Variants in DAB2IP observed in about 807,000 individuals in gnomAD.
DAB2IP encodes the protein disabled homolog 2-interacting protein.
Under a neutral mutation model 107.2 loss-of-function variants are expected in DAB2IP, and 28 were observed. That is an observed-to-expected ratio of 0.26 (90% confidence interval 0.19 to 0.36). The LOEUF (loss-of-function observed/expected upper bound fraction) is 0.36. Ranked by LOEUF, DAB2IP falls within the 10% of genes least tolerant of loss-of-function variation. The pLI is 1.00. For synonymous variants in DAB2IP, 755 were observed against 706.4 expected (o/e 1.07, Z -1.09); for missense variants, 1,400 against 1,644.7 (o/e 0.85, Z 2.57).
intron 1 of DAB2IP, among the ~76,000 whole-genome samples, chr9:121,603,224 G>T (rs145040511): frequency 2.6e-5 from 4 of 152,204 alleles, no homozygotes; most frequent in Non-Finnish European, 5.9e-5. Context: ...TTGGAAGACC[G>T]CTCTGTGGGC....
At chr9:121,747,515 T>G (rs969434934) in intron 3 of DAB2IP, among the ~76,000 whole-genome samples, 2 of 152,022 alleles carry the variant, frequency 1.3e-5, no homozygotes, top group African/African-American at 4.8e-5. Context: ...GCCCAGCTAA[T>G]TTTTTGTATT....
chr9:121,746,814 TCGCATCC>T (rs1156866045), intron 3 of DAB2IP, among the ~76,000 whole-genome samples: 1 of 152,230 alleles, frequency 6.6e-6, no homozygotes, highest in African/African-American at 2.4e-5. Flanking sequence ...CACTTGGGTC[TCGCATCC>T]CCAGGGCCCT....
chr9:121,739,524 C>A (rs1376435428), intron 3 of DAB2IP, among the ~76,000 whole-genome samples: 1 of 152,166 alleles, frequency 6.6e-6, no homozygotes, highest in East Asian at 1.9e-4. Context: ...GGGAGGCTGC[C>A]CGGACAGCAG....
intron 1 of DAB2IP, among the ~76,000 whole-genome samples, chr9:121,570,237 C>T (rs915807356): frequency 6.6e-5 from 10 of 151,184 alleles, no homozygotes; most frequent in African/African-American, 1.7e-4. Context: ...CTCAGCCTCC[C>T]GAGTAGCTGG....
At chr9:121,664,446 G>A (rs1370490423) in intron 1 of DAB2IP, among the ~76,000 whole-genome samples, 1 of 152,134 alleles carries the variant, frequency 6.6e-6, no homozygotes, top group African/African-American at 2.4e-5. Context: ...TTTGGATTTT[G>A]ATTGGGATTA....
Position 121,578,657 on chromosome 9 carries a change from G to A in DAB2IP, c.40+11429G>A, listed in dbSNP as rs191147941. 2.6e-3 allele frequency among the ~76,000 whole-genome samples: 378 copies of A among 143,070 alleles called. 2 individuals carry two copies. Among genetic ancestry groups the A allele is most frequent in the African/African-American group, 7.3e-3 (287 of 39,164 alleles). The allele number at this position is 143,070 out of a possible 152,430, so 93.9% of individuals were successfully genotyped here. A position where few individuals can be genotyped will look rare whatever the true frequency, so the allele number is the denominator to read the frequency against. On this transcript the variant is annotated intron_variant, in intron 1 of 16. Coordinates refer to the DAB2IP transcript ENST00000259371. ...GACCTCCCTTGCTGGCCCTTTCTCCGGCCCTGCAACGGGCCCAAGTCTCTC... is the reference window on the plus strand; with the variant it reads ...GACCTCCCTTGCTGGCCCTTTCTCCAGCCCTGCAACGGGCCCAAGTCTCTC...
chr9:121,783,338 C>T, exon 16 of DAB2IP: 2 of 1,445,988 alleles, frequency 1.4e-6, no homozygotes, highest in East Asian at 2.5e-5. Context: ...GCGGATCTGG[C>T]CAGATGGCTC....
chr9:121,717,310 A>G (rs1435715100), intron 3 of DAB2IP, among the ~76,000 whole-genome samples: 1 of 152,196 alleles, frequency 6.6e-6, no homozygotes, highest in Non-Finnish European at 1.5e-5. Context: ...TACAGACAGG[A>G]TGGCGGTGCC....
At chr9:121,689,986 C>A (rs992549444) in intron 2 of DAB2IP, among the ~76,000 whole-genome samples, 2 of 152,230 alleles carry the variant, frequency 1.3e-5, no homozygotes, top group African/African-American at 4.8e-5. Flanking sequence ...CGCTTCCTGA[C>A]CGTGCGGTGC....
Position 121,651,868 on chromosome 9 carries a change from C to T in DAB2IP, c.93C>T (p.Ser31=). 6.9e-7 allele frequency: 1 copy of T among 1,447,382 alleles called. No homozygotes were observed. Among genetic ancestry groups the T allele is most frequent in the African/African-American group, 1.4e-5 (1 of 69,098 alleles). The allele number at this position is 1,447,382 out of a possible 1,614,324, so 89.7% of individuals were successfully genotyped here. The change falls in exon 1 of 16, where the codon AGC becomes AGT. Residue 31 remains serine, a synonymous_variant. Coordinates refer to ENST00000408936, the Ensembl canonical transcript of DAB2IP. The surrounding 1 kb of genome is among the most constrained non-coding windows in gnomAD (Gnocchi z 5.1). ...GGCCCCGGCTGCAGCGACAGAGGAG[C>T]CGCTCCCGCAGCCGGACCCGGCCTG...
At chr9:121,783,683 G>A (rs888445366) in exon 16 of DAB2IP, 65 of 1,182,464 alleles carry the variant, frequency 5.5e-5, no homozygotes, top group South Asian at 3.7e-4. Flanking sequence ...CACCTGCCCC[G>A]TGTGTGTGGC....
At chr9:121,779,077 A>AT (rs991336921) in intron 14 of DAB2IP, among the ~76,000 whole-genome samples, 3 of 150,280 alleles carry the variant, frequency 2.0e-5, no homozygotes, top group Admixed American at 6.6e-5. Flanking sequence ...TTCTTTCTTC[A>AT]TTTTTTTTCT....
chr9:121,783,150 C>A, exon 16 of DAB2IP: 5 of 869,462 alleles, frequency 5.8e-6, no homozygotes, highest in Non-Finnish European at 7.1e-6. Flanking sequence ...CTGAACCTGT[C>A]CCCAGAGCAC....
At chr9:121,674,876 G>GGTGTGTGTGT (rs369953526) in intron 1 of DAB2IP, among the ~76,000 whole-genome samples, 1 of 150,188 alleles carries the variant, frequency 6.7e-6, no homozygotes, top group African/African-American at 2.4e-5. Flanking sequence ...TGGCCAGGGT[G>GGTGTGTGTGT]GTGTGTGTGT....
intron 1 of DAB2IP, among the ~76,000 whole-genome samples, chr9:121,644,386 C>T (rs1359135112): frequency 6.6e-6 from 1 of 152,138 alleles, no homozygotes; most frequent in African/African-American, 2.4e-5. Flanking sequence ...CACCTGAGGT[C>T]AGGCGTTCGA....
In DAB2IP at chr9:121,662,819, T is replaced by C. The variant is rs904254736; in HGVS notation, c.124+10920T>C. Among the ~76,000 whole-genome samples the C allele has an allele frequency of 2.6e-5, 4 of 152,206 alleles. No homozygotes were observed. The highest frequency in any genetic ancestry group is 9.6e-5 in the African/African-American group (4 of 41,456). On this transcript the variant is annotated intron_variant, in intron 1 of 15. Coordinates refer to ENST00000408936, the Ensembl canonical transcript of DAB2IP. This position sits in a 1 kb window ranked among gnomAD's most constrained non-coding sequence, Gnocchi z 4.6. ...CATGGCAGAGAGGAGCAAACACATA[T>C]GGACACCCTGAGACCTCCTTAGTTT...
upstream of DAB2IP, among the ~76,000 whole-genome samples, chr9:121,646,833 C>T (rs1461481044): frequency 6.6e-6 from 1 of 152,152 alleles, no homozygotes; most frequent in Admixed American, 6.5e-5. Flanking sequence ...ACCTTATGAT[C>T]GTTGCTCCTT....
rs112811697 is a variant in DAB2IP at position 121,717,413 on chromosome 9, G to A, written c.362+17955G>A. Among the ~76,000 whole-genome samples the A allele has an allele frequency of 6.0e-3, 912 of 152,292 alleles. 11 individuals carry two copies. Among genetic ancestry groups the A allele is most frequent in the African/African-American group, 0.021 (861 of 41,554 alleles). On this transcript the variant is annotated intron_variant, in intron 3 of 15. Transcript: ENST00000408936. ...TGAGAGGAAACACTGCATCCTTTTC[G>A]GTGCAGTTTTACAGAAAACTATTTA...
intron 1 of DAB2IP, chr9:121,575,255 T>C (rs988295239): frequency 1.3e-5 from 2 of 153,478 alleles, no homozygotes; most frequent in Non-Finnish European, 2.9e-5. Context: ...GTGTGACCTG[T>C]GAGCCAGGCC....
Sources: allele counts gnomAD v4.1 joint callset (sites outside exome capture counted in the v4.1 genomes callset), GRCh38; gene constraint gnomAD v4.1.1; non-coding constraint Gnocchi (gnomAD v3.1); transcripts MANE v1.5; gene names NCBI Gene and HGNC (gene_info 2026-07-23, HGNC 2026-07-21).